Variants in EEFSEC observed in about 807,000 individuals in gnomAD.
EEFSEC encodes the protein selenocysteine-specific elongation factor.
Under a neutral mutation model 42.1 loss-of-function variants are expected in EEFSEC, and 43 were observed. That is an observed-to-expected ratio of 1.02 (90% CI 0.80 to 1.32). The LOEUF (loss-of-function observed/expected upper bound fraction) is 1.32. EEFSEC is among the 40% of genes most tolerant of loss of function. EEFSEC has a pLI of 0.00. For synonymous variants in EEFSEC, 354 were observed against 339.1 expected (o/e 1.04, Z -0.48); for missense variants, 745 against 803.6 (o/e 0.93, Z 0.88).
At chr3:128,350,309 G>T (rs979707477) in intron 5 of EEFSEC, among the ~76,000 whole-genome samples, 1 of 152,234 alleles carries the variant, frequency 6.6e-6, no homozygotes, top group Non-Finnish European at 1.5e-5. Flanking sequence ...GGATGGTCTG[G>T]CAGGCTTGGT....
At chr3:128,253,111 A>G (rs2066204852) in intron 2 of EEFSEC, among the ~76,000 whole-genome samples, 1 of 152,250 alleles carries the variant, frequency 6.6e-6, no homozygotes, top group Admixed American at 6.5e-5. Flanking sequence ...GGAAAGGGCC[A>G]GACACCTGGC....
chr3:128,357,649 C>T (rs560156087), intron 5 of EEFSEC, among the ~76,000 whole-genome samples: 6 of 152,244 alleles, frequency 3.9e-5, no homozygotes, highest in African/African-American at 7.2e-5. Context: ...GCCAGGCTCT[C>T]GGGCTCCTGT....
At chr3:128,158,208 T>A (rs1944412799) in intron 1 of EEFSEC, among the ~76,000 whole-genome samples, 2 of 152,226 alleles carry the variant, frequency 1.3e-5, no homozygotes, top group East Asian at 3.8e-4. Flanking sequence ...GATGAGGAGT[T>A]GCTTCTTGTG....
At chr3:128,229,327 C>T (rs1040341062) in intron 1 of EEFSEC, among the ~76,000 whole-genome samples, 11 of 152,204 alleles carry the variant, frequency 7.2e-5, no homozygotes, top group Non-Finnish European at 1.6e-4. Flanking sequence ...GTGCTCTCCC[C>T]ACGTGGCCCC....
chr3:128,206,449 G>A (rs969553928), intron 1 of EEFSEC, among the ~76,000 whole-genome samples: 12 of 152,114 alleles, frequency 7.9e-5, no homozygotes, highest in African/African-American at 2.9e-4. Flanking sequence ...TCTCTGCTGT[G>A]GGATTAACTT....
At chr3:128,213,322 A>G (rs1256547815) in intron 1 of EEFSEC, among the ~76,000 whole-genome samples, 1 of 152,210 alleles carries the variant, frequency 6.6e-6, no homozygotes, top group African/African-American at 2.4e-5. Flanking sequence ...ACGGGAAGAA[A>G]GTGCTTGGCA....
At chr3:128,385,860 A>G (rs1286404818) in intron 6 of EEFSEC, among the ~76,000 whole-genome samples, 1 of 152,242 alleles carries the variant, frequency 6.6e-6, no homozygotes. Context: ...GAACAGTCCA[A>G]GGAGGCCTGG....
chr3:128,223,211 A>T (rs2065877648), intron 1 of EEFSEC, among the ~76,000 whole-genome samples: 1 of 152,228 alleles, frequency 6.6e-6, no homozygotes, highest in Admixed American at 6.5e-5. Context: ...CTGCACAGGG[A>T]GAGGGCACCA....
intron 6 of EEFSEC, among the ~76,000 whole-genome samples, chr3:128,360,542 G>T (rs578135850): frequency 1.3e-5 from 2 of 152,336 alleles, no homozygotes; most frequent in Admixed American, 6.5e-5. Flanking sequence ...CCTCCCCTGA[G>T]CTCCCTTCCT....
In EEFSEC at chr3:128,153,848, C is replaced by T. The variant is rs117716600; in HGVS notation, c.316+25C>T. On this transcript the variant is annotated intron_variant, in intron 1 of 6. Coordinates refer to ENST00000254730, the MANE Select transcript of EEFSEC (RefSeq NM_021937.5). The stretch of plus-strand genomic sequence containing the variant: ...GGTGAGCGCGGGCCGGGGCGGGAGC[C>T]GGGCTCAGGGACGCGGGCGGAGCGA... 10,894 of 1,484,226 alleles carry T rather than the reference C, an allele frequency of 7.3e-3. 383 individuals carry two copies. The East Asian group carries it at 0.075, about 10-fold the overall frequency. 91.9% of individuals were successfully genotyped at this position (1,484,226 alleles called of 1,614,324 possible). A position where few individuals can be genotyped will look rare whatever the true frequency, so the allele number is the denominator to read the frequency against.
At chr3:128,261,935 C>A (rs998842571) in intron 2 of EEFSEC, among the ~76,000 whole-genome samples, 193 bp from the exon 3 acceptor site, 1 of 152,104 alleles carries the variant, frequency 6.6e-6, no homozygotes, top group Non-Finnish European at 1.5e-5. Flanking sequence ...TTCCCCCAGA[C>A]GGGGAAATTT....
At chr3:128,234,716 G>A (rs184659485) in intron 1 of EEFSEC, among the ~76,000 whole-genome samples, 2 of 152,348 alleles carry the variant, frequency 1.3e-5, no homozygotes, top group African/African-American at 4.8e-5. Flanking sequence ...CTAGCCTCTT[G>A]ACAAGTTTCC....
chr3:128,407,957 G>A, intron 6 of EEFSEC, 112 bp from the exon 7 acceptor site: 1 of 1,036,224 alleles, frequency 9.7e-7, no homozygotes, highest in Non-Finnish European at 1.4e-6. Context: ...AGGGCTGATT[G>A]GCTAGGGAGG....
At chr3:128,330,625 G>T (rs1360788637) in intron 4 of EEFSEC, among the ~76,000 whole-genome samples, 5 of 152,090 alleles carry the variant, frequency 3.3e-5, no homozygotes, top group East Asian at 1.9e-4. Flanking sequence ...CAGGGCAGCA[G>T]TGTTCCTGTG....
chr3:128,258,259 C>T lies in EEFSEC; in HGVS notation c.525-3869C>T, dbSNP rs576654398. Among the ~76,000 whole-genome samples the T allele has an allele frequency of 3.3e-5, 5 of 152,196 alleles. No individual in the cohort carries two copies. The South Asian group carries it at 1.0e-3, about 32-fold the overall frequency. On this transcript the variant is annotated intron_variant, in intron 2 of 6. Transcript: ENST00000254730. ...CTTCTGCTTTTGTGTTTTGAAAGAC[C>T]ATTGATGCCATCTTCCAGGTCAGTG...
intron 6 of EEFSEC, among the ~76,000 whole-genome samples, chr3:128,399,386 G>T (rs1045730286): frequency 2.0e-5 from 3 of 152,254 alleles, no homozygotes; most frequent in African/African-American, 7.2e-5. Context: ...CCCGTCGAGT[G>T]CGCGCTTGAG....
intron 1 of EEFSEC, among the ~76,000 whole-genome samples, chr3:128,215,468 G>C (rs1265798394): frequency 6.6e-6 from 1 of 152,198 alleles, no homozygotes; most frequent in African/African-American, 2.4e-5. Flanking sequence ...GGTAGTCATA[G>C]TGCACCTTGG....
intron 4 of EEFSEC, among the ~76,000 whole-genome samples, chr3:128,292,914 A>G (rs1276130631): frequency 1.3e-5 from 2 of 152,110 alleles, no homozygotes; most frequent in Admixed American, 6.5e-5. Flanking sequence ...CTTTTCTAAT[A>G]TAATATTTAG....
At chr3:128,422,758 G>A in the EEFSEC span, among the ~76,000 whole-genome samples, 1 of 152,228 alleles carries the variant, frequency 6.6e-6, no homozygotes, top group African/African-American at 2.4e-5. Flanking sequence ...GGGTGGGAGA[G>A]TTGCCACTCA....
Sources: gnomAD v4.1 joint callset for allele counts (sites outside exome capture counted in the v4.1 genomes callset) on GRCh38, gnomAD v4.1.1 for gene constraint, MANE v1.5 for transcripts, NCBI Gene and HGNC (gene_info 2026-07-23, HGNC 2026-07-21) for gene names.